TP53BP1: variants seen among roughly 807,000 people sequenced by gnomAD.
TP53BP1 encodes TP53-binding protein 1.
A neutral mutation model predicts 200.8 loss-of-function variants in TP53BP1; 61 were observed. The observed-to-expected ratio is 0.30, with a 90% confidence interval of 0.25 to 0.38. The LOEUF (loss-of-function observed/expected upper bound fraction) is 0.38. TP53BP1 is among the 10% of genes least tolerant of loss of function. TP53BP1 has a pLI of 1.00. For missense variants in TP53BP1, 2,144 were observed against 2,371.9 expected (o/e 0.90, Z 2.00); for synonymous variants, 822 against 844.3 (o/e 0.97, Z 0.46).
intron 17 of TP53BP1, among the ~76,000 whole-genome samples, chr15:43,429,688 AAAT>A (rs1375387982): frequency 1.3e-5 from 2 of 152,206 alleles, no homozygotes; most frequent in African/African-American, 4.8e-5. Flanking sequence ...GACTAGTTAT[AAAT>A]AATATCAAAG....
Position 43,406,791 on chromosome 15 carries a change from T to TCATTC in TP53BP1, c.*587_*591dup. 1 of 353,686 alleles carries TCATTC rather than the reference T, an allele frequency of 2.8e-6. No individual in the cohort carries two copies. The highest frequency in any genetic ancestry group is 5.5e-6 in the Non-Finnish European group (1 of 181,250). 21.9% of individuals were successfully genotyped at this position (353,686 alleles called of 1,614,324 possible). ...CTTCCCATGTTTATCTTACGGAAGG[T>TCATTC]CATTCCATCAAGCTTATGGTCACTG... On this transcript the variant is annotated 3_prime_UTR_variant, in exon 28 of 28. Transcript: ENST00000382044.
intron 21 of TP53BP1, chr15:43,417,366 C>A (rs1037864831): frequency 3.9e-5 from 6 of 152,218 alleles, no homozygotes; most frequent in African/African-American, 1.2e-4. Context: ...AGAAAGCAAG[C>A]CTTGGTTCTC....
rs763070669 is a variant in TP53BP1 at position 43,420,740 on chromosome 15, A to T, written c.4251-5T>A. 4 of 1,611,064 alleles carry T rather than the reference A, an allele frequency of 2.5e-6. No individual in the cohort carries two copies. In the Admixed American group the frequency reaches 6.7e-5, roughly 27 times the overall value. ...GGGCCAGGCACAGCTGTTTCTCTAA[A>T]GAGAGATAGGGGATAGGAGAAGCCG... On this transcript the variant is annotated splice_polypyrimidine_tract_variant and splice_region_variant and intron_variant, in intron 20 of 27. Transcript: ENST00000382044.
intron 15 of TP53BP1, among the ~76,000 whole-genome samples, chr15:43,440,526 CA>C (rs11390071): frequency 2.2e-5 from 3 of 138,814 alleles, no homozygotes; most frequent in African/African-American, 5.2e-5. Context: ...AAAAAAAAAA[CA>C]AAAAAAAAAC....
intron 26 of TP53BP1, 90 bp from the exon 27 acceptor site, chr15:43,408,178 T>C: frequency 7.5e-7 from 1 of 1,328,058 alleles, no homozygotes; most frequent in Non-Finnish European, 1.0e-6. Context: ...ATCTGAATGC[T>C]TTCAAAAATA....
chr15:43,453,088 G>A (rs1402940108), intron 12 of TP53BP1, among the ~76,000 whole-genome samples: 1 of 151,092 alleles, frequency 6.6e-6, no homozygotes, highest in Non-Finnish European at 1.5e-5. Flanking sequence ...CAGCTACTCG[G>A]GAGGCTGACG....
chr15:43,419,667 T>C (rs1207740383), intron 21 of TP53BP1, among the ~76,000 whole-genome samples: 3 of 147,730 alleles, frequency 2.0e-5, no homozygotes, highest in East Asian at 2.1e-4. Context: ...AGGCATGAGC[T>C]ACCACACCCA....
intron 16 of TP53BP1, among the ~76,000 whole-genome samples, chr15:43,434,558 G>A (rs2045746418): frequency 6.6e-6 from 1 of 152,152 alleles, no homozygotes; most frequent in Non-Finnish European, 1.5e-5. Context: ...GGTATTAAGA[G>A]GCAGAGCCCT....
chr15:43,416,366 C>T lies in TP53BP1; in HGVS notation c.4732G>A (p.Glu1578Lys), dbSNP rs768150741. ...KESGELYYSI[E>K]KEGQRKWYKR... ...TACCACTTTCTTTGGCCTTCTTTTT[C>T]AATGCTGTAGTACAGTTCCCCAGAC... is the stretch of plus-strand genomic sequence containing the variant. The change falls in exon 22 of 28, where the codon GAA becomes AAA. Residue 1578 changes from glutamate to lysine, a missense_variant. Physicochemically the swap from Glu to Lys is moderately conservative, Grantham distance 56. Transcript: ENST00000382044. The T allele has an allele frequency of 6.2e-7, 1 of 1,614,212 alleles. No homozygotes were observed. Among genetic ancestry groups the T allele is most frequent in the East Asian group, 2.2e-5 (1 of 44,896 alleles).
At chr15:43,419,536 CTTTTTTTTT>C (rs34159488) in intron 21 of TP53BP1, among the ~76,000 whole-genome samples, 745 of 73,452 alleles carry the variant, frequency 0.01, 13 homozygotes, top group African/African-American at 0.063. Flanking sequence ...ATTTATGTTC[CTTTTTTTTT>C]TTTTTTTTTT....
intron 13 of TP53BP1, chr15:43,446,838 G>C: frequency 6.9e-7 from 1 of 1,441,890 alleles, no homozygotes; most frequent in Non-Finnish European, 9.3e-7. Context: ...TGAGCCCTCA[G>C]CCAACCCACA....
chr15:43,478,929 G>C (rs1343770992), intron 7 of TP53BP1, among the ~76,000 whole-genome samples: 1 of 152,216 alleles, frequency 6.6e-6, no homozygotes. Flanking sequence ...CATCATTGCA[G>C]GCTAGGCAGA....
At chr15:43,473,616 C>T (rs1178286687) in intron 10 of TP53BP1, among the ~76,000 whole-genome samples, 1 of 152,004 alleles carries the variant, frequency 6.6e-6, no homozygotes, top group Non-Finnish European at 1.5e-5. Context: ...AGGTTCTCCA[C>T]GTCCCACCAG....
chr15:43,405,457 A>G lies in TP53BP1; in HGVS notation c.*1926T>C. 3.5e-6 allele frequency: 2 copies of G among 571,980 alleles called. No individual in the cohort carries two copies. Among genetic ancestry groups the G allele is most frequent in the Non-Finnish European group, 6.2e-6 (2 of 321,252 alleles). 35.4% of individuals were successfully genotyped at this position (571,980 alleles called of 1,614,324 possible). A position where few individuals can be genotyped will look rare whatever the true frequency, so the allele number is the denominator to read the frequency against. ...ATCTCTGATCCTTTACATTGAGAAC[A>G]TTTGTTGGATATGTTCATTTATTCA... On this transcript the variant is annotated 3_prime_UTR_variant, in exon 28 of 28. Transcript: ENST00000382044.
chr15:43,406,500 T>TTGTC lies in TP53BP1; in HGVS notation c.*879_*882dup. ...ACAGCCATGCCCATTTGTTTACTCATTGTCTATGGTTGCTTTCATGCCCTC... is the reference window on the plus strand; with the variant it reads ...ACAGCCATGCCCATTTGTTTACTCATTGTCTGTCTATGGTTGCTTTCATGCCCTC... On this transcript the variant is annotated 3_prime_UTR_variant, in exon 28 of 28. Transcript: ENST00000382044. The TTGTC allele has an allele frequency of 4.6e-6, 2 of 431,880 alleles. No individual in the cohort carries two copies. Among genetic ancestry groups the TTGTC allele is most frequent in the South Asian group, 3.3e-5 (2 of 59,888 alleles). 26.8% of individuals were successfully genotyped at this position (431,880 alleles called of 1,614,324 possible).
At chr15:43,448,045 A>G (rs145058662) in intron 12 of TP53BP1, among the ~76,000 whole-genome samples, 4 of 152,310 alleles carry the variant, frequency 2.6e-5, no homozygotes, top group African/African-American at 9.6e-5. Context: ...TAGAAATCCA[A>G]GGGTTTCATG....
intron 10 of TP53BP1, among the ~76,000 whole-genome samples, chr15:43,472,117 G>A (rs775075530): frequency 8.5e-5 from 13 of 152,214 alleles, no homozygotes; most frequent in Non-Finnish European, 1.8e-4. Flanking sequence ...GAAGGCACAG[G>A]CTCTGGAGGC....
Position 43,456,701 on chromosome 15 carries a change from G to C in TP53BP1, c.1907C>G (p.Pro636Arg). ...CDSGSQAVPS[P>R]ATRSEALSSV... is the part of the protein sequence containing the mutation. ...AGAAAGTGCCTCAGATCGAGTAGCT[G>C]GTGACGGAACTGCCTGACTCCCCGA... Residue 636 changes from proline to arginine, a missense_variant, in exon 12 of 28, where the codon CCA becomes CGA. Physicochemically the swap from Pro to Arg is moderately radical, Grantham distance 103. Around this residue, in one of 4 missense-constraint regions of TP53BP1, gnomAD observed 1,700 missense variants for 1,710.3 expected, o/e 0.99. Transcript: ENST00000382044. The C allele has an allele frequency of 6.2e-7, 1 of 1,614,108 alleles. No individual in the cohort carries two copies.
intron 5 of TP53BP1, among the ~76,000 whole-genome samples, 175 bp from the exon 6 acceptor site, chr15:43,480,192 T>C (rs2078942955): frequency 1.3e-5 from 2 of 152,190 alleles, no homozygotes; most frequent in South Asian, 2.1e-4. Context: ...CTCACACCTA[T>C]AATCCCGGCA....
Sources: allele counts gnomAD v4.1 joint callset (sites outside exome capture counted in the v4.1 genomes callset), GRCh38; gene constraint gnomAD v4.1.1; regional missense constraint gnomAD v4.1.1; transcripts MANE v1.5; gene names NCBI Gene and HGNC (gene_info 2026-07-23, HGNC 2026-07-21).